The following SESTD1 variants were observed in gnomAD, a reference collection of about 807,000 sequenced individuals.
The protein encoded by SESTD1 is SEC14 domain and spectrin repeat-containing protein 1.
A neutral mutation model predicts 101.7 loss-of-function variants in SESTD1; 43 were observed. That is an observed-to-expected ratio of 0.42 (90% confidence interval 0.33 to 0.55). SESTD1 has a LOEUF of 0.55. SESTD1 is among the 20% of genes least tolerant of loss of function. The pLI is 0.07. For missense variants in SESTD1, 647 were observed against 815.1 expected (o/e 0.79, Z 2.51); for synonymous variants, 283 against 286.8 (o/e 0.99, Z 0.13).
At position 179,227,376 on chromosome 2, in the gene SESTD1, A is replaced by C. The variant is rs185296642; in HGVS notation, c.-25-35510T>G. Among the ~76,000 whole-genome samples, 454 of 152,084 alleles carry C rather than the reference A, an allele frequency of 3.0e-3. 5 individuals are homozygous for C. Among genetic ancestry groups the C allele is most frequent in the African/African-American group, 0.011 (437 of 41,484 alleles). On this transcript the variant is annotated intron_variant, in intron 1 of 17. Coordinates refer to ENST00000428443, the MANE Select transcript of SESTD1 (RefSeq NM_178123.5). ...TTTAGATGGCTCCTGACTGCCACTAACCTCTCACTTGGCAGATTATCTGAT... is the reference window on the plus strand; with the variant it reads ...TTTAGATGGCTCCTGACTGCCACTACCCTCTCACTTGGCAGATTATCTGAT...
At chr2:179,159,932 G>A (rs1310419466) in intron 5 of SESTD1, among the ~76,000 whole-genome samples, 1 of 152,182 alleles carries the variant, frequency 6.6e-6, no homozygotes, top group Non-Finnish European at 1.5e-5. Flanking sequence ...TCAGCTCACT[G>A]CAACCTCCAA....
chr2:179,154,294 G>C (rs2105453783), intron 5 of SESTD1, among the ~76,000 whole-genome samples: 2 of 135,048 alleles, frequency 1.5e-5, no homozygotes, highest in East Asian at 5.2e-4. Context: ...AGGAAGGAAG[G>C]AAGAGAGGGA....
At chr2:179,177,872 A>G (rs1383950528) in intron 3 of SESTD1, among the ~76,000 whole-genome samples, 2 of 152,244 alleles carry the variant, frequency 1.3e-5, no homozygotes, top group African/African-American at 4.8e-5. Context: ...CCATAAAAAA[A>G]GAATGAAGTA....
intron 7 of SESTD1, 26 bp from the exon 8 acceptor site, chr2:179,146,483 T>C: frequency 1.3e-6 from 2 of 1,588,414 alleles, no homozygotes; most frequent in South Asian, 1.1e-5. Flanking sequence ...GGAGTAATTT[T>C]CAAAAGGCAT....
At chr2:179,242,187 A>T (rs932909408) in intron 1 of SESTD1, among the ~76,000 whole-genome samples, 1 of 152,158 alleles carries the variant, frequency 6.6e-6, no homozygotes. Flanking sequence ...TCCAGGTGAG[A>T]GCCACATCAA....
chr2:179,208,409 A>G (rs1212900158), intron 1 of SESTD1, among the ~76,000 whole-genome samples: 1 of 134,944 alleles, frequency 7.4e-6, no homozygotes, highest in Non-Finnish European at 1.6e-5. Flanking sequence ...ATAATCACCT[A>G]GGCACATAGT....
At chr2:179,182,659 T>C (rs1292992721) in intron 3 of SESTD1, among the ~76,000 whole-genome samples, 1 of 152,148 alleles carries the variant, frequency 6.6e-6, no homozygotes, top group Admixed American at 6.6e-5. Context: ...ATTTTTGACA[T>C]TTTTTAAAAT....
intron 1 of SESTD1, among the ~76,000 whole-genome samples, chr2:179,244,693 T>C (rs1469770394): frequency 1.3e-5 from 2 of 151,958 alleles, no homozygotes; most frequent in Admixed American, 1.3e-4. Flanking sequence ...AGAAAGATAA[T>C]GGTAAAAGAG....
chr2:179,184,391 A>G lies in SESTD1; in HGVS notation c.56-1203T>C, dbSNP rs547668115. Among the ~76,000 whole-genome samples the G allele has an allele frequency of 3.8e-4, 58 of 152,348 alleles. 1 individual carries two copies. The South Asian group carries it at 0.012, about 31-fold the overall frequency. On this transcript the variant is annotated intron_variant, in intron 2 of 17. Coordinates refer to ENST00000428443, the MANE Select transcript of SESTD1 (RefSeq NM_178123.5). ...CATATTAGTGACACAAATGCAATTC[A>G]TAACATATGAACCATAAATGAACCT...
At chr2:179,185,455 T>G (rs951928052) in intron 2 of SESTD1, among the ~76,000 whole-genome samples, 2 of 143,482 alleles carry the variant, frequency 1.4e-5, no homozygotes, top group Admixed American at 7.2e-5. Context: ...TAATATATAG[T>G]ATATGATATA....
chr2:179,254,965 G>C (rs959033576), intron 1 of SESTD1, among the ~76,000 whole-genome samples: 1 of 152,050 alleles, frequency 6.6e-6, no homozygotes, highest in Non-Finnish European at 1.5e-5. Flanking sequence ...TATTATATCT[G>C]TTATGGTGAT....
intron 1 of SESTD1, among the ~76,000 whole-genome samples, chr2:179,247,038 C>CT (rs1229103595): frequency 6.6e-6 from 1 of 152,136 alleles, no homozygotes; most frequent in African/African-American, 2.4e-5. Context: ...TCAGATTCCA[C>CT]TTGGGCACAT....
chr2:179,161,618 C>T (rs1294992301), intron 5 of SESTD1, among the ~76,000 whole-genome samples: 1 of 150,626 alleles, frequency 6.6e-6, no homozygotes. Context: ...GCCGAGATCA[C>T]GCCACTGCAT....
chr2:179,144,177 G>A (rs2105442196), intron 8 of SESTD1, among the ~76,000 whole-genome samples: 1 of 151,784 alleles, frequency 6.6e-6, no homozygotes, highest in East Asian at 1.9e-4. Flanking sequence ...AGGATACTGT[G>A]CCAAACAATC....
chr2:179,187,472 A>G (rs2046251377), intron 2 of SESTD1, among the ~76,000 whole-genome samples: 1 of 152,188 alleles, frequency 6.6e-6, no homozygotes, highest in Non-Finnish European at 1.5e-5. Context: ...CAAAAAAATT[A>G]AAAATGAGAA....
At chr2:179,212,089 G>A (rs1574039173) in intron 1 of SESTD1, among the ~76,000 whole-genome samples, 1 of 135,366 alleles carries the variant, frequency 7.4e-6, no homozygotes, top group East Asian at 2.0e-4. Flanking sequence ...TGATGCAGAA[G>A]ACATGTGATT....
At chr2:179,262,500 C>A (rs560097899) in intron 1 of SESTD1, among the ~76,000 whole-genome samples, 1 of 152,198 alleles carries the variant, frequency 6.6e-6, no homozygotes, top group African/African-American at 2.4e-5. Flanking sequence ...AGTAAATATT[C>A]TACTTTCCTC....
chr2:179,236,391 C>G (rs1383741386), intron 1 of SESTD1, among the ~76,000 whole-genome samples: 1 of 148,708 alleles, frequency 6.7e-6, no homozygotes, highest in Non-Finnish European at 1.5e-5. Context: ...TAGCTACTTG[C>G]GAGGCTGAGG....
At chr2:179,230,792 C>A (rs929808573) in intron 1 of SESTD1, among the ~76,000 whole-genome samples, 3 of 151,824 alleles carry the variant, frequency 2.0e-5, no homozygotes, top group Middle Eastern at 3.4e-3. Flanking sequence ...AAAAAATTTG[C>A]AGAAACAAAA....
Sources: allele counts gnomAD v4.1 joint callset (sites outside exome capture counted in the v4.1 genomes callset), GRCh38; gene constraint gnomAD v4.1.1; transcripts MANE v1.5; gene names NCBI Gene and HGNC (gene_info 2026-07-23, HGNC 2026-07-21).